The following PXDNL variants were observed in gnomAD, a reference collection of about 807,000 sequenced individuals.
PXDNL encodes the protein probable oxidoreductase PXDNL.
Under a neutral mutation model 150.8 loss-of-function variants are expected in PXDNL, and 145 were observed. The observed-to-expected ratio is 0.96, with a 90% CI of 0.84 to 1.10. The LOEUF (loss-of-function observed/expected upper bound fraction) is 1.10. PXDNL is among the 50% of genes least tolerant of loss of function. The pLI is 0.00. For missense variants in PXDNL, 2,087 were observed against 1,873.9 expected, an observed-to-expected ratio of 1.11 and a Z score of -2.10; for synonymous variants, 757 against 725.7, an observed-to-expected ratio of 1.04 and a Z score of -0.69.
chr8:51,737,673 G>C (rs1173429689), intron 1 of PXDNL, among the ~76,000 whole-genome samples: 1 of 152,040 alleles, frequency 6.6e-6, no homozygotes, highest in Non-Finnish European at 1.5e-5. Flanking sequence ...TCTCCATCCT[G>C]CCTGCTCCTC....
intron 12 of PXDNL, among the ~76,000 whole-genome samples, chr8:51,429,394 G>T (rs1201487456): frequency 6.6e-6 from 1 of 152,060 alleles, no homozygotes; most frequent in African/African-American, 2.4e-5. Context: ...AGCCTGGCCA[G>T]CATGGTGAAA....
At chr8:51,378,913 G>A (rs897279275) in intron 17 of PXDNL, among the ~76,000 whole-genome samples, 1 of 152,144 alleles carries the variant, frequency 6.6e-6, no homozygotes, top group Non-Finnish European at 1.5e-5. Flanking sequence ...TAACACTCAC[G>A]GCGAGGGTCT....
At chr8:51,469,476 T>C (rs908610819) in intron 8 of PXDNL, among the ~76,000 whole-genome samples, 3 of 152,176 alleles carry the variant, frequency 2.0e-5, no homozygotes, top group African/African-American at 4.8e-5. Context: ...GACCTTTGCA[T>C]TGTAGTCTCG....
intron 2 of PXDNL, among the ~76,000 whole-genome samples, chr8:51,601,474 G>T (rs1813719595): frequency 6.6e-6 from 1 of 151,958 alleles, no homozygotes; most frequent in South Asian, 2.1e-4. Flanking sequence ...ATTATGTAAT[G>T]CCCTTCTTTG....
intron 1 of PXDNL, among the ~76,000 whole-genome samples, chr8:51,715,969 A>T (rs1816609210): frequency 6.6e-6 from 1 of 152,260 alleles, no homozygotes; most frequent in South Asian, 2.1e-4. Context: ...ATTTAAATTC[A>T]AAAGTTTGCC....
At chr8:51,470,959 G>A (rs1254236659) in intron 8 of PXDNL, among the ~76,000 whole-genome samples, 2 of 151,730 alleles carry the variant, frequency 1.3e-5, no homozygotes, top group African/African-American at 4.8e-5. Context: ...GAAAAGCAAT[G>A]GCAACAAAAG....
chr8:51,634,022 G>A (rs1045435591), intron 2 of PXDNL, among the ~76,000 whole-genome samples: 6 of 152,048 alleles, frequency 3.9e-5, no homozygotes, highest in African/African-American at 1.4e-4. Context: ...TGTTGCAATT[G>A]CTTTTGAGGA....
At chr8:51,747,129 T>A (rs1026102302) in intron 1 of PXDNL, among the ~76,000 whole-genome samples, 3 of 152,228 alleles carry the variant, frequency 2.0e-5, no homozygotes, top group African/African-American at 7.2e-5. Flanking sequence ...AAACTCATGA[T>A]GGAGTTTTGT....
intron 4 of PXDNL, among the ~76,000 whole-genome samples, chr8:51,503,076 C>T (rs1811220630): frequency 6.6e-6 from 1 of 152,084 alleles, no homozygotes; most frequent in Non-Finnish European, 1.5e-5. Context: ...TTCCACAATG[C>T]ACCCACTGAG....
chr8:51,804,925 G>A (rs2037659565), intron 1 of PXDNL, among the ~76,000 whole-genome samples: 1 of 151,670 alleles, frequency 6.6e-6, no homozygotes, highest in Non-Finnish European at 1.5e-5. Flanking sequence ...TCCTCAAGCT[G>A]TCACCTCCAC....
At chr8:51,416,803 A>C (rs1486680496) in intron 14 of PXDNL, among the ~76,000 whole-genome samples, 1 of 152,228 alleles carries the variant, frequency 6.6e-6, no homozygotes, top group Admixed American at 6.5e-5. Context: ...TTAAGCTCTA[A>C]ACTACACAAA....
At chr8:51,637,252 A>C (rs893783734) in intron 2 of PXDNL, among the ~76,000 whole-genome samples, 1 of 152,206 alleles carries the variant, frequency 6.6e-6, no homozygotes, top group Non-Finnish European at 1.5e-5. Flanking sequence ...GATGGGGAAA[A>C]AAACAGAGCA....
intron 1 of PXDNL, among the ~76,000 whole-genome samples, chr8:51,733,564 T>C (rs1816972947): frequency 6.6e-6 from 1 of 151,982 alleles, no homozygotes; most frequent in South Asian, 2.1e-4. Context: ...TCCCAGCACT[T>C]TGGGAGGCTG....
intron 3 of PXDNL, among the ~76,000 whole-genome samples, chr8:51,588,213 G>A (rs1425881304): frequency 6.6e-6 from 1 of 152,178 alleles, no homozygotes; most frequent in Admixed American, 6.6e-5. Context: ...GCAAAGAAAA[G>A]ATATAAGAAC....
intron 21 of PXDNL, among the ~76,000 whole-genome samples, chr8:51,331,649 G>A (rs537434059): frequency 3.9e-5 from 6 of 152,222 alleles, no homozygotes; most frequent in East Asian, 1.9e-4. Flanking sequence ...CAGGTGTCAC[G>A]GTGGGAATGG....
chr8:51,329,196 T>C (rs1309472884), intron 21 of PXDNL, among the ~76,000 whole-genome samples: 1 of 152,022 alleles, frequency 6.6e-6, no homozygotes, highest in Non-Finnish European at 1.5e-5. Context: ...ATATTTCCCA[T>C]CCCCACACCT....
chr8:51,533,719 G>T (rs1428465423), intron 4 of PXDNL, among the ~76,000 whole-genome samples: 1 of 150,520 alleles, frequency 6.6e-6, no homozygotes, highest in Non-Finnish European at 1.5e-5. Flanking sequence ...GCTCCTAACC[G>T]CGAGTGATCC....
chr8:51,544,508 G>A (rs567521854), intron 4 of PXDNL, among the ~76,000 whole-genome samples: 1 of 152,242 alleles, frequency 6.6e-6, no homozygotes, highest in South Asian at 2.1e-4. Context: ...ACATTGTTGT[G>A]TTTACCAAAT....
At chr8:51,482,853 G>A (rs1810633896) in intron 6 of PXDNL, among the ~76,000 whole-genome samples, 1 of 152,292 alleles carries the variant, frequency 6.6e-6, no homozygotes, top group South Asian at 2.1e-4. Context: ...CCAGTCATGG[G>A]TACGTCTTTA....
Sources: allele counts gnomAD v4.1 joint callset (sites outside exome capture counted in the v4.1 genomes callset), GRCh38; gene constraint gnomAD v4.1.1; transcripts MANE v1.5; gene names NCBI Gene and HGNC (gene_info 2026-07-23, HGNC 2026-07-21).